Variants in LRBA observed in about 807,000 individuals in gnomAD.
The protein encoded by LRBA is lipopolysaccharide-responsive and beige-like anchor protein.
A neutral mutation model predicts 330.0 loss-of-function variants in LRBA; 176 were observed. The ratio of observed to expected loss-of-function variants is 0.53; its 90% CI spans 0.47 to 0.60. LRBA has a LOEUF of 0.60. Among genes scored for constraint, LRBA ranks in the 20% least tolerant of loss-of-function variants. LRBA has a pLI of 0.00. For synonymous variants in LRBA, 1,230 were observed against 1,193.0 expected, an observed-to-expected ratio of 1.03 and a Z score of -0.64; for missense variants, 3,259 against 3,444.8, an observed-to-expected ratio of 0.95 and a Z score of 1.35.
intron 40 of LRBA, among the ~76,000 whole-genome samples, chr4:150,523,562 G>A (rs1298776064): frequency 6.6e-6 from 1 of 152,024 alleles, no homozygotes; most frequent in Non-Finnish European, 1.5e-5. Flanking sequence ...ACAGACTAAG[G>A]CAGGTGAGAA....
chr4:150,494,624 T>A (rs1581483196), intron 40 of LRBA, among the ~76,000 whole-genome samples: 1 of 152,294 alleles, frequency 6.6e-6, no homozygotes, highest in Non-Finnish European at 1.5e-5. Flanking sequence ...CCTTAAACAG[T>A]ATGGTTATTC....
intron 40 of LRBA, among the ~76,000 whole-genome samples, chr4:150,522,452 A>G (rs1763021052): frequency 6.6e-6 from 1 of 152,216 alleles, no homozygotes; most frequent in South Asian, 2.1e-4. Context: ...TCATCAAAGC[A>G]ATGCAAGAAT....
At chr4:150,723,113 A>T (rs1729151160) in intron 36 of LRBA, among the ~76,000 whole-genome samples, 1 of 152,044 alleles carries the variant, frequency 6.6e-6, no homozygotes, top group Non-Finnish European at 1.5e-5. Context: ...ATAAACTTGA[A>T]AGGAAGTCTA....
chr4:150,661,456 C>T (rs1184088878), intron 37 of LRBA, among the ~76,000 whole-genome samples: 6 of 127,074 alleles, frequency 4.7e-5, no homozygotes, highest in Admixed American at 8.9e-5. Flanking sequence ...GGCAACACAG[C>T]GAGACTCTGT....
chr4:150,720,995 G>C (rs898576629), intron 36 of LRBA: 60 of 520,960 alleles, frequency 1.2e-4, no homozygotes, highest in Middle Eastern at 1.2e-3. Context: ...CACAGAAAGA[G>C]GGAGATGTTA....
chr4:150,636,181 G>A (rs532465051), intron 37 of LRBA, among the ~76,000 whole-genome samples: 3 of 128,998 alleles, frequency 2.3e-5, no homozygotes, highest in African/African-American at 6.2e-5. Context: ...TTTTTTTTAC[G>A]TGAATTACTC....
chr4:150,306,624 CG>C (rs1730391223), intron 52 of LRBA, among the ~76,000 whole-genome samples: 1 of 149,818 alleles, frequency 6.7e-6, no homozygotes, highest in African/African-American at 2.5e-5. Flanking sequence ...CTTATTTGTA[CG>C]TTTTATACAC....
chr4:150,326,571 T>C (rs560746519), intron 48 of LRBA, among the ~76,000 whole-genome samples: 3 of 152,326 alleles, frequency 2.0e-5, no homozygotes, highest in Non-Finnish European at 4.4e-5. Flanking sequence ...GGTGCACACA[T>C]AGCACACAAA....
At chr4:150,838,847 C>T (rs551279562) in intron 28 of LRBA, among the ~76,000 whole-genome samples, 1 of 152,216 alleles carries the variant, frequency 6.6e-6, no homozygotes, top group East Asian at 1.9e-4. Flanking sequence ...GAGTGGCGTT[C>T]CTTTGGAGGG....
chr4:150,461,527 ATTAG>A (rs1754774492), intron 44 of LRBA, among the ~76,000 whole-genome samples: 1 of 151,810 alleles, frequency 6.6e-6, no homozygotes, highest in Admixed American at 6.6e-5. Flanking sequence ...CTCATGGTGC[ATTAG>A]TTTCTGCCTC....
chr4:150,507,459 G>C (rs145770322), intron 40 of LRBA, among the ~76,000 whole-genome samples: 55,298 of 151,810 alleles, frequency 0.36, 11,221 homozygotes, highest in Non-Finnish European at 0.47. Context: ...ACAAACCTGA[G>C]AAAAACAAGA....
intron 44 of LRBA, among the ~76,000 whole-genome samples, chr4:150,460,808 A>ATT (rs1004932955): frequency 6.6e-6 from 1 of 151,780 alleles, no homozygotes; most frequent in Admixed American, 6.6e-5. Flanking sequence ...ATTTTCCTTC[A>ATT]TTTTAAAAAT....
rs1731578896 is a variant in LRBA at position 150,908,391 on chromosome 4, A to C, written c.1436T>G (p.Leu479Arg). The change falls in exon 11 of 57, where the codon CTT becomes CGT. Residue 479 changes from leucine (L) to arginine (R), a missense_variant. Coordinates refer to ENST00000651943, the MANE Select transcript of LRBA (RefSeq NM_001364905.1). Reference protein sequence around the residue: ...SIGGVQVLFPLFAQLDYRQYL... With the variant: ...SIGGVQVLFPRFAQLDYRQYL... Reference sequence around the variant, plus strand: ...TTGCCTGTAATCCAACTGTGCAAAAAGTGGAAATAGTACTTGTACTCCTCC... The same window carrying C: ...TTGCCTGTAATCCAACTGTGCAAAACGTGGAAATAGTACTTGTACTCCTCC... The C allele has an allele frequency of 1.9e-6, 3 of 1,610,792 alleles. No homozygotes were observed. Among genetic ancestry groups the C allele is most frequent in the Non-Finnish European group, 1.7e-6 (2 of 1,179,254 alleles).
chr4:150,863,603 A>G (rs891912016), intron 22 of LRBA, among the ~76,000 whole-genome samples: 1 of 152,336 alleles, frequency 6.6e-6, no homozygotes, highest in Middle Eastern at 3.4e-3. Flanking sequence ...CGGAGTTTAC[A>G]GTGAGCCAAG....
At chr4:150,619,752 CAAG>C (rs977102159) in intron 37 of LRBA, among the ~76,000 whole-genome samples, 1 of 151,840 alleles carries the variant, frequency 6.6e-6, no homozygotes, top group Non-Finnish European at 1.5e-5. Context: ...GCTTCTAGCA[CAAG>C]AAGAAGCAAC....
chr4:150,414,099 G>A (rs1386626215), intron 47 of LRBA, among the ~76,000 whole-genome samples: 1 of 152,018 alleles, frequency 6.6e-6, no homozygotes, highest in Non-Finnish European at 1.5e-5. Flanking sequence ...TAATATTCTA[G>A]GCATTTACAT....
intron 44 of LRBA, among the ~76,000 whole-genome samples, chr4:150,452,484 C>A (rs184077713): frequency 7.2e-5 from 11 of 151,756 alleles, no homozygotes; most frequent in East Asian, 1.9e-4. Context: ...TAGCCGCGTG[C>A]GGTGGTGTGC....
chr4:150,934,250 C>G (rs1302316524), intron 2 of LRBA, among the ~76,000 whole-genome samples: 1 of 152,146 alleles, frequency 6.6e-6, no homozygotes, highest in African/African-American at 2.4e-5. Flanking sequence ...ACCATGCAAT[C>G]AGAACACATA....
intron 44 of LRBA, among the ~76,000 whole-genome samples, chr4:150,445,946 G>A (rs1752567415): frequency 6.6e-6 from 1 of 151,958 alleles, no homozygotes; most frequent in Non-Finnish European, 1.5e-5. Flanking sequence ...CCCTTGGCTG[G>A]AAAAATACTA....
Sources: allele counts gnomAD v4.1 joint callset (sites outside exome capture counted in the v4.1 genomes callset), GRCh38; gene constraint gnomAD v4.1.1; transcripts MANE v1.5; gene names NCBI Gene and HGNC (gene_info 2026-07-23, HGNC 2026-07-21).